JMJD1C: variants seen among roughly 807,000 people sequenced by gnomAD.
JMJD1C encodes jumonji domain containing 1C.
Under a neutral mutation model 245.3 loss-of-function variants are expected in JMJD1C, and 31 were observed. The observed-to-expected ratio is 0.13, with a 90% CI of 0.09 to 0.17. JMJD1C has a LOEUF of 0.17. JMJD1C is among the 10% of genes least tolerant of loss of function. JMJD1C has a pLI of 1.00. For synonymous variants in JMJD1C, 1,057 were observed against 1,017.4 expected, an observed-to-expected ratio of 1.04 and a Z score of -0.74; for missense variants, 2,691 against 3,000.2, an observed-to-expected ratio of 0.90 and a Z score of 2.41.
intron 1 of JMJD1C, among the ~76,000 whole-genome samples, chr10:63,411,949 C>A (rs1346438231): frequency 6.9e-6 from 1 of 145,138 alleles, no homozygotes; most frequent in Non-Finnish European, 1.5e-5. Flanking sequence ...AAGATCTTGG[C>A]CATGTTGCCC....
rs1222236814 is a variant in JMJD1C, at chr10:63,207,475, T to C, written c.4194A>G (p.Val1398=). The C allele has an allele frequency of 2.5e-6, 4 of 1,614,222 alleles. No individual in the cohort carries two copies. Among genetic ancestry groups the C allele is most frequent in the Admixed American group, 1.7e-5 (1 of 60,034 alleles). ...VNTMCNTKTD[V]ITSAADTTSV... ...TGGTAGTATCGGCAGCAGATGTGATTACATCCGTTTTGGTATTACACATCG... is the reference window on the plus strand; with the variant it reads ...TGGTAGTATCGGCAGCAGATGTGATCACATCCGTTTTGGTATTACACATCG... The change falls in exon 10 of 26, where the codon GTA becomes GTG. Residue 1398 remains valine, a synonymous_variant. Transcript: ENST00000399262.
At chr10:63,442,816 A>T (rs903687801) in intron 1 of JMJD1C, among the ~76,000 whole-genome samples, 18 of 152,274 alleles carry the variant, frequency 1.2e-4, no homozygotes, top group Non-Finnish European at 2.5e-4. Flanking sequence ...TACAGCACTT[A>T]TTACTACATA....
At chr10:63,353,428 T>C (rs1398760049) in intron 2 of JMJD1C, among the ~76,000 whole-genome samples, 1 of 152,242 alleles carries the variant, frequency 6.6e-6, no homozygotes, top group African/African-American at 2.4e-5. Flanking sequence ...ACAGATTTTA[T>C]GCAAAGCAGG....
intron 1 of JMJD1C, among the ~76,000 whole-genome samples, chr10:63,440,409 G>A (rs536995365): frequency 4.7e-5 from 7 of 150,128 alleles, no homozygotes; most frequent in African/African-American, 1.2e-4. Context: ...GCGAGCACAC[G>A]AAGGAGAGTC....
chr10:63,183,344 T>C lies in JMJD1C; in HGVS notation c.7084+103A>G, dbSNP rs1242676576. 5.7e-6 allele frequency: 6 copies of C among 1,057,678 alleles called. No individual in the cohort carries two copies. In the South Asian group the frequency reaches 6.7e-5, roughly 12 times the overall value. 65.5% of individuals were successfully genotyped at this position (1,057,678 alleles called of 1,614,324 possible). On this transcript the variant is annotated intron_variant, in intron 22 of 25. Coordinates refer to ENST00000399262, the MANE Select transcript of JMJD1C (RefSeq NM_032776.3). ...GCCCCTACATCCATTGCAATTCTTT[T>C]TGAAATCTTCGCTGTTAACTCAGAA...
chr10:63,485,888 C>T (rs1953977415), intron 1 of JMJD1C, among the ~76,000 whole-genome samples: 1 of 151,996 alleles, frequency 6.6e-6, no homozygotes, highest in Admixed American at 6.6e-5. Flanking sequence ...GGCCTCTGTT[C>T]CCACCAAGTT....
At chr10:63,174,760 G>A (rs1227064103) in intron 24 of JMJD1C, among the ~76,000 whole-genome samples, 1 of 152,048 alleles carries the variant, frequency 6.6e-6, no homozygotes, top group Non-Finnish European at 1.5e-5. Flanking sequence ...CTTGAACCCG[G>A]AAGGCAGAGG....
chr10:63,430,414 A>C (rs1950678481), intron 1 of JMJD1C, among the ~76,000 whole-genome samples: 1 of 152,250 alleles, frequency 6.6e-6, no homozygotes, highest in South Asian at 2.1e-4. Context: ...TTATCTGATA[A>C]GGAAGTTGTC....
chr10:63,288,979 C>T (rs1858325774), intron 2 of JMJD1C, among the ~76,000 whole-genome samples: 1 of 150,968 alleles, frequency 6.6e-6, no homozygotes, highest in Non-Finnish European at 1.5e-5. Flanking sequence ...TCCGACATGT[C>T]TTTTACAAAG....
At chr10:63,417,040 C>T (rs921230473) in intron 1 of JMJD1C, among the ~76,000 whole-genome samples, 3 of 152,156 alleles carry the variant, frequency 2.0e-5, no homozygotes, top group Admixed American at 2.0e-4. Flanking sequence ...TGAGTTTACA[C>T]AAGAAGTTAC....
At chr10:63,396,763 T>C (rs371578367) in intron 1 of JMJD1C, among the ~76,000 whole-genome samples, 27 of 152,068 alleles carry the variant, frequency 1.8e-4, no homozygotes, top group African/African-American at 5.8e-4. Flanking sequence ...GCACAGAGCA[T>C]TAGGTATGTC....
In JMJD1C at chr10:63,380,312, T is replaced by A. The variant is rs750908745; in HGVS notation, c.333+6A>T. On this transcript the variant is annotated splice_donor_region_variant and intron_variant, in intron 2 of 25. Coordinates refer to ENST00000399262, the MANE Select transcript of JMJD1C (RefSeq NM_032776.3). ...AAATGCTTAATGAAACAGGAATAGA[T>A]CTTACCAATGCAGGCCACTGAATCT... 1.2e-6 allele frequency: 2 copies of A among 1,613,430 alleles called. No homozygotes were observed. Among genetic ancestry groups the A allele is most frequent in the Non-Finnish European group, 1.7e-6 (2 of 1,179,406 alleles).
intron 2 of JMJD1C, among the ~76,000 whole-genome samples, chr10:63,282,012 T>C (rs1012532275): frequency 6.6e-6 from 1 of 152,200 alleles, no homozygotes; most frequent in Non-Finnish European, 1.5e-5. Flanking sequence ...TGACCTTTTT[T>C]GGTCAAAAGC....
intron 2 of JMJD1C, among the ~76,000 whole-genome samples, chr10:63,366,299 T>C (rs1400893964): frequency 6.6e-6 from 1 of 152,166 alleles, no homozygotes; most frequent in Non-Finnish European, 1.5e-5. Flanking sequence ...TACACTGTGA[T>C]TGAAATGAGC....
intron 1 of JMJD1C, 71 bp downstream of exon 1, chr10:63,465,424 G>A (rs967516526): frequency 4.1e-5 from 59 of 1,422,084 alleles, no homozygotes; most frequent in Non-Finnish European, 5.4e-5. Flanking sequence ...CCAGAGGGAA[G>A]CCTGCAAGGT....
chr10:63,201,119 A>C (rs112135177), intron 10 of JMJD1C, among the ~76,000 whole-genome samples: 1 of 152,204 alleles, frequency 6.6e-6, no homozygotes, highest in African/African-American at 2.4e-5. Flanking sequence ...ATAGTTAGAA[A>C]CTACAGGTTA....
intron 1 of JMJD1C, among the ~76,000 whole-genome samples, chr10:63,472,129 G>T (rs1180124685): frequency 6.6e-6 from 1 of 151,912 alleles, no homozygotes; most frequent in African/African-American, 2.4e-5. Context: ...ATAAACTTTT[G>T]AATTGACACT....
intron 2 of JMJD1C, among the ~76,000 whole-genome samples, chr10:63,371,035 T>C (rs1946272079): frequency 6.6e-6 from 1 of 152,148 alleles, no homozygotes; most frequent in East Asian, 1.9e-4. Context: ...TGGAGTGCAA[T>C]GGCATAATCA....
upstream of JMJD1C, among the ~76,000 whole-genome samples, chr10:63,466,817 G>A (rs1367744673): frequency 6.6e-6 from 1 of 151,986 alleles, no homozygotes; most frequent in African/African-American, 2.4e-5. Context: ...AATTACAATC[G>A]GACTCCCTAA....
Sources: gnomAD v4.1 joint callset for allele counts (sites outside exome capture counted in the v4.1 genomes callset) on GRCh38, gnomAD v4.1.1 for gene constraint, MANE v1.5 for transcripts, NCBI Gene and HGNC (gene_info 2026-07-23, HGNC 2026-07-21) for gene names.